Variants in ARFGEF2 observed in about 807,000 individuals in gnomAD.
The protein encoded by ARFGEF2 is ARF guanine nucleotide exchange factor 2, also known as brefeldin A-inhibited guanine nucleotide-exchange protein 2.
Under a neutral mutation model 219.9 loss-of-function variants are expected in ARFGEF2, and 74 were observed. The ratio of observed to expected loss-of-function variants is 0.34; its 90% CI spans 0.28 to 0.41. The LOEUF is 0.41. Among genes scored for constraint, ARFGEF2 ranks in the 10% least tolerant of loss-of-function variants. The pLI is 1.00. For synonymous variants in ARFGEF2, 733 were observed against 799.2 expected, an observed-to-expected ratio of 0.92 and a Z score of 1.40; for missense variants, 1,743 against 2,218.3, an observed-to-expected ratio of 0.79 and a Z score of 4.30.
intron 14 of ARFGEF2, among the ~76,000 whole-genome samples, chr20:48,977,336 A>G (rs990597390): frequency 6.6e-6 from 1 of 152,164 alleles, no homozygotes; most frequent in Non-Finnish European, 1.5e-5. Context: ...ATAGTATTCC[A>G]TGGTGTATAT....
intron 1 of ARFGEF2, among the ~76,000 whole-genome samples, chr20:48,933,087 C>T (rs1043485467): frequency 2.0e-5 from 3 of 152,094 alleles, no homozygotes; most frequent in Admixed American, 1.3e-4. Flanking sequence ...GTGACCCGAG[C>T]GGTAACATCC....
At chr20:48,950,805 A>AT (rs1308187494) in intron 3 of ARFGEF2, among the ~76,000 whole-genome samples, 5 of 40,220 alleles carry the variant, frequency 1.2e-4, no homozygotes, top group Admixed American at 2.1e-4. Flanking sequence ...AAAAAAAAAA[A>AT]AAAAAAATAT....
intron 3 of ARFGEF2, among the ~76,000 whole-genome samples, chr20:48,949,783 G>A (rs1458326735): frequency 6.6e-6 from 1 of 152,114 alleles, no homozygotes; most frequent in African/African-American, 2.4e-5. Context: ...CCCCCTGGTG[G>A]GGGCAGAAGC....
At position 48,971,426 on chromosome 20, in the gene ARFGEF2, T is replaced by A. The variant is rs1274811708; in HGVS notation, c.1425+72T>A. On this transcript the variant is annotated intron_variant, in intron 10 of 38. Coordinates refer to ENST00000371917, the MANE Select transcript of ARFGEF2 (RefSeq NM_006420.3). The stretch of plus-strand genomic sequence containing the variant: ...AGTCATTAATTATAATACTCAATAT[T>A]GAGAATGCTGCTAATATTACACTAA... 19 of 1,155,582 alleles carry A rather than the reference T, an allele frequency of 1.6e-5. No homozygotes were observed. In the Admixed American group the frequency reaches 2.8e-4, roughly 17 times the overall value. 71.6% of individuals were successfully genotyped at this position (1,155,582 alleles called of 1,614,324 possible).
At position 49,033,112 on chromosome 20, in the gene ARFGEF2, G is replaced by GCTCTA; in HGVS notation, c.5271_5272insCTCTA (p.Phe1758LeufsTer7). ...CTGAGCTCCGAGCAGTTCTGCGGAA[G>GCTCTA]TTCTTCCTACGGATAGGTGTTGTGT... On this transcript the variant is annotated frameshift_variant, in exon 39 of 39. Coordinates refer to ENST00000371917, the MANE Select transcript of ARFGEF2 (RefSeq NM_006420.3). LOFTEE classifies it high-confidence loss of function. 6.2e-7 allele frequency: 1 copy of GCTCTA among 1,614,022 alleles called. No individual in the cohort carries two copies. The highest frequency in any genetic ancestry group is 8.5e-7 in the Non-Finnish European group (1 of 1,180,046).
At chr20:48,991,511 A>C (rs1205563516) in intron 21 of ARFGEF2, among the ~76,000 whole-genome samples, 1 of 141,994 alleles carries the variant, frequency 7.0e-6, no homozygotes, top group Admixed American at 7.2e-5. Context: ...GGAGCTTGGG[A>C]GCTCCTGTGA....
intron 14 of ARFGEF2, among the ~76,000 whole-genome samples, chr20:48,980,228 T>C (rs186534400): frequency 6.6e-5 from 10 of 152,342 alleles, no homozygotes; most frequent in Non-Finnish European, 1.5e-5. Flanking sequence ...TCTGCCTTAA[T>C]TTCGTTATGT....
At chr20:49,022,043 T>C (rs2091567919) in intron 34 of ARFGEF2, among the ~76,000 whole-genome samples, 1 of 145,008 alleles carries the variant, frequency 6.9e-6, no homozygotes, top group Admixed American at 7.1e-5. Context: ...AGCTACCAGC[T>C]ACTTGGGAGG....
At chr20:48,967,833 A>G (rs2091197790) in intron 8 of ARFGEF2, among the ~76,000 whole-genome samples, 2 of 152,178 alleles carry the variant, frequency 1.3e-5, no homozygotes. Context: ...TACTCTAATG[A>G]TGAGTAATAA....
At chr20:48,947,386 T>C (rs1259092836) in intron 3 of ARFGEF2, among the ~76,000 whole-genome samples, 1 of 148,380 alleles carries the variant, frequency 6.7e-6, no homozygotes, top group Non-Finnish European at 1.5e-5. Flanking sequence ...GGCAACAGAG[T>C]GAGACTCTGC....
intron 34 of ARFGEF2, among the ~76,000 whole-genome samples, chr20:49,021,619 G>A (rs919636920): frequency 3.3e-5 from 5 of 151,768 alleles, no homozygotes; most frequent in Admixed American, 6.6e-5. Context: ...AGGCTGAGGC[G>A]GGCAGATCAT....
chr20:49,031,993 G>A (rs1282553681), intron 37 of ARFGEF2, 56 bp from the exon 38 acceptor site: 1 of 1,134,642 alleles, frequency 8.8e-7, no homozygotes, highest in African/African-American at 1.5e-5. Context: ...GTTCTCCCCT[G>A]AATGTGAGAT....
chr20:48,922,960 C>T (rs139159430), intron 1 of ARFGEF2, among the ~76,000 whole-genome samples: 24 of 152,276 alleles, frequency 1.6e-4, no homozygotes, highest in African/African-American at 5.8e-4. Context: ...CTGATAAATA[C>T]TATTTTGAAA....
intron 4 of ARFGEF2, among the ~76,000 whole-genome samples, chr20:48,952,148 C>CTTTTTTTTT (rs11475141): frequency 3.6e-5 from 2 of 55,446 alleles, no homozygotes; most frequent in African/African-American, 7.6e-5. Flanking sequence ...GAAGTTTGGC[C>CTTTTTTTTT]TTTTTTTTTT....
intron 16 of ARFGEF2, among the ~76,000 whole-genome samples, chr20:48,987,669 G>C (rs571866740): frequency 1.3e-5 from 2 of 152,164 alleles, no homozygotes; most frequent in Non-Finnish European, 2.9e-5. Flanking sequence ...TCAGCACCAA[G>C]TGTAAGGTCT....
At chr20:49,016,208 C>T in intron 30 of ARFGEF2, 72 bp from the exon 31 acceptor site, 1 of 1,560,148 alleles carries the variant, frequency 6.4e-7, no homozygotes, top group East Asian at 2.3e-5. Context: ...ACAGTTTTGC[C>T]AGGAGTGTAC....
Position 48,941,957 on chromosome 20 carries a change from G to A in ARFGEF2, c.246G>A (p.Arg82=). 6.2e-7 allele frequency: 1 copy of A among 1,614,116 alleles called. No homozygotes were observed. ...FELACQSKSP[R]VVSTSLDCLQ... The stretch of plus-strand genomic sequence containing the variant: ...TAGCTTGCCAGTCCAAGTCCCCAAG[G>A]GTAGTCAGCACATCCCTTGACTGCT... Residue 82 remains arginine (R), a synonymous_variant, in exon 3 of 39, where the codon AGG becomes AGA. Transcript: ENST00000371917.
At chr20:48,963,188 A>AAAAAAAAAAAAAAAAAAAAAC (rs2091165223) in intron 6 of ARFGEF2, among the ~76,000 whole-genome samples, 1 of 151,824 alleles carries the variant, frequency 6.6e-6, no homozygotes, top group Non-Finnish European at 1.5e-5. Flanking sequence ...AAAAAAAAAA[A>AAAAAAAAAAAAAAAAAAAAAC]AGTAATGTTT....
intron 6 of ARFGEF2, among the ~76,000 whole-genome samples, chr20:48,963,510 C>G (rs900023347): frequency 2.6e-5 from 4 of 152,134 alleles, no homozygotes; most frequent in African/African-American, 9.7e-5. Context: ...TGGATAAAAT[C>G]GAGCTCCTGC....
Sources: allele counts gnomAD v4.1 joint callset (sites outside exome capture counted in the v4.1 genomes callset), GRCh38; gene constraint gnomAD v4.1.1; transcripts MANE v1.5; gene names NCBI Gene and HGNC (gene_info 2026-07-23, HGNC 2026-07-21).